The following ZNF519 variants were observed in gnomAD, a reference collection of about 807,000 sequenced individuals.
ZNF519 encodes similar to Zinc finger protein 85 (Zinc finger protein HPF4) (HTF1).
Under a neutral mutation model 7.4 loss-of-function variants are expected in ZNF519, and 7 were observed. The observed-to-expected ratio is 0.94, with a 90% CI of 0.54 to 1.77. ZNF519 has a LOEUF of 1.77. ZNF519 is among the 40% of genes most tolerant of loss of function. The pLI, the probability that ZNF519 is intolerant of heterozygous loss-of-function variation, is 0.00. For missense variants in ZNF519, 586 were observed against 623.1 expected (o/e 0.94, Z 0.63); for synonymous variants, 179 against 203.3 (o/e 0.88, Z 1.02).
Position 14,102,092 on chromosome 18 carries a change from C to T in ZNF519, c.*2825G>A, listed in dbSNP as rs979732862. 7 of 188,876 alleles carry T rather than the reference C, an allele frequency of 3.7e-5. No homozygotes were observed. Among genetic ancestry groups the T allele is most frequent in the African/African-American group, 1.4e-4 (6 of 43,006 alleles). 11.7% of individuals were successfully genotyped at this position (188,876 alleles called of 1,614,324 possible). A position where few individuals can be genotyped will look rare whatever the true frequency, so the allele number is the denominator to read the frequency against. On this transcript the variant is annotated 3_prime_UTR_variant, in exon 3 of 3. Coordinates refer to ENST00000590202, the MANE Select transcript of ZNF519 (RefSeq NM_145287.4). Reference sequence around the variant, plus strand: ...CATTTTGTTAATTTGTGTTTTCAAACTATTTTAATTCCATCCTATCATTCA... The same window carrying T: ...CATTTTGTTAATTTGTGTTTTCAAATTATTTTAATTCCATCCTATCATTCA...
In ZNF519 at chr18:14,105,359, T is replaced by A. The variant is rs774354878; in HGVS notation, c.1181A>T (p.His394Leu). ...TTTCTCTCCAGTATGCATTCTCTGA[T>A]GCTGAGTAACGTATGAGCTTCTATT... ...AFNRSSYVTQHQRMHTGEKPF... is the reference protein window; with the variant it reads ...AFNRSSYVTQLQRMHTGEKPF... The change falls in exon 3 of 3, where the codon CAT becomes CTT. Residue 394 changes from histidine (H) to leucine (L), a missense_variant. By Grantham distance (99) the His-to-Leu change is moderately conservative. Coordinates refer to ENST00000590202, the MANE Select transcript of ZNF519 (RefSeq NM_145287.4). 5 of 1,614,132 alleles carry A rather than the reference T, an allele frequency of 3.1e-6. No individual in the cohort carries two copies. The highest frequency in any genetic ancestry group is 4.2e-6 in the Non-Finnish European group (5 of 1,180,024).
intron 2 of ZNF519, among the ~76,000 whole-genome samples, chr18:14,111,657 T>C (rs190286952): frequency 2.0e-4 from 30 of 152,178 alleles, no homozygotes; most frequent in African/African-American, 6.3e-4. Context: ...TATGAGCAGA[T>C]AGATGCCATA....
chr18:14,107,566 C>T (rs2046199576), intron 2 of ZNF519, among the ~76,000 whole-genome samples: 1 of 152,164 alleles, frequency 6.6e-6, no homozygotes, highest in Admixed American at 6.5e-5. Context: ...TAGAGGATTT[C>T]ATCTTGCCAA....
chr18:14,129,218 T>C (rs539812483), intron 1 of ZNF519, among the ~76,000 whole-genome samples: 13 of 152,274 alleles, frequency 8.5e-5, no homozygotes, highest in Admixed American at 6.5e-4. Flanking sequence ...AGGTTCCCGA[T>C]AGAGATTCAG....
intron 1 of ZNF519, among the ~76,000 whole-genome samples, chr18:14,125,772 C>T (rs1234900271): frequency 2.0e-5 from 3 of 152,032 alleles, no homozygotes; most frequent in African/African-American, 7.3e-5. Flanking sequence ...GCAACCTCCG[C>T]CTCCCAGGTC....
intron 2 of ZNF519, among the ~76,000 whole-genome samples, chr18:14,121,424 T>C (rs1004719967): frequency 2.6e-5 from 4 of 152,158 alleles, no homozygotes; most frequent in African/African-American, 7.2e-5. Context: ...TCACAACGTA[T>C]ACACATATCA....
chr18:14,092,846 T>C (rs1420588898), intron 2 of ZNF519, among the ~76,000 whole-genome samples: 1 of 152,178 alleles, frequency 6.6e-6, no homozygotes, highest in Non-Finnish European at 1.5e-5. Flanking sequence ...AATAATTGTG[T>C]CCACCTCTCT....
rs545812927 is a variant in ZNF519, at chr18:14,100,144, A to C, written c.*4773T>G. The C allele has an allele frequency of 1.2e-4, 19 of 152,306 alleles. No individual in the cohort carries two copies. The East Asian group carries it at 3.5e-3, about 28-fold the overall frequency. 9.4% of individuals were successfully genotyped at this position (152,306 alleles called of 1,614,324 possible). On this transcript the variant is annotated 3_prime_UTR_variant, in exon 3 of 3. Transcript: ENST00000590202. ...ATTATCCTTTAGAAAAATGTACATT[A>C]AAACAATGTGATATCAATACATATC...
chr18:14,125,874 C>T (rs372559657), intron 1 of ZNF519, among the ~76,000 whole-genome samples: 30 of 152,060 alleles, frequency 2.0e-4, no homozygotes, highest in African/African-American at 7.0e-4. Flanking sequence ...TTAGTACAGC[C>T]GGGGTTTCAT....
rs532648438 is a variant in ZNF519 at position 14,091,051 on chromosome 18, A to G, written c.131-5975T>C. The G allele has an allele frequency of 2.5e-4, 38 of 152,342 alleles. 1 individual carries two copies. Among genetic ancestry groups the G allele is most frequent in the African/African-American group, 7.7e-4 (32 of 41,576 alleles). The allele number at this position is 152,342 out of a possible 1,614,324, so 9.4% of individuals were successfully genotyped here. Reference sequence around the variant, plus strand: ...TTCTAGAGTTATATTTCTAACAGTTATAAGTTAAAGCATTATTTTTTGGAC... The same window carrying G: ...TTCTAGAGTTATATTTCTAACAGTTGTAAGTTAAAGCATTATTTTTTGGAC... On this transcript the variant is annotated intron_variant and NMD_transcript_variant, in intron 2 of 4. Coordinates refer to the ZNF519 transcript ENST00000587419.
chr18:14,112,593 A>G (rs1011215058), intron 2 of ZNF519, among the ~76,000 whole-genome samples: 1 of 152,320 alleles, frequency 6.6e-6, no homozygotes, highest in African/African-American at 2.4e-5. Context: ...AAATTTAGTC[A>G]AGATATAGGA....
chr18:14,093,147 A>G (rs2046121162), intron 2 of ZNF519, among the ~76,000 whole-genome samples: 1 of 152,186 alleles, frequency 6.6e-6, no homozygotes. Context: ...GGAACTACAG[A>G]GCCTCTATTT....
At chr18:14,120,942 AACAG>A (rs1373487263) in intron 2 of ZNF519, among the ~76,000 whole-genome samples, 2 of 152,158 alleles carry the variant, frequency 1.3e-5, no homozygotes, top group Non-Finnish European at 2.9e-5. Context: ...TATTGTTTAC[AACAG>A]ACAAAATATG....
chr18:14,078,854 T>C (rs1245140035), intron 3 of ZNF519, among the ~76,000 whole-genome samples: 2 of 152,176 alleles, frequency 1.3e-5, no homozygotes, highest in Non-Finnish European at 2.9e-5. Flanking sequence ...TAAAAGCTAA[T>C]AGATGTTCTA....
rs2046175609 is a variant in ZNF519, at chr18:14,104,122, T to C, written c.*795A>G. The stretch of plus-strand genomic sequence containing the variant: ...AAGTTATTTGCACCACTCTCTGATA[T>C]TTGTGATTTCTTTATTGTTATCACA... On this transcript the variant is annotated 3_prime_UTR_variant, in exon 3 of 3. Transcript: ENST00000590202. 8 of 152,194 alleles carry C rather than the reference T, an allele frequency of 5.3e-5. No homozygotes were observed. Among genetic ancestry groups the C allele is most frequent in the Admixed American group, 5.2e-4 (8 of 15,280 alleles). 9.4% of individuals were successfully genotyped at this position (152,194 alleles called of 1,614,324 possible). A position where few individuals can be genotyped will look rare whatever the true frequency, so the allele number is the denominator to read the frequency against.
chr18:14,084,196 C>G (rs1002413986), intron 3 of ZNF519: 1 of 152,174 alleles, frequency 6.6e-6, no homozygotes, highest in Non-Finnish European at 1.5e-5. Context: ...GTGACTTTCA[C>G]CTGGGAAAGT....
downstream of ZNF519, among the ~76,000 whole-genome samples, chr18:14,098,729 T>G (rs1224633863): frequency 6.6e-6 from 1 of 152,082 alleles, no homozygotes; most frequent in African/African-American, 2.4e-5. Flanking sequence ...GTTCACAAGG[T>G]TCACAACAGA....
chr18:14,095,792 C>T (rs1038683313), downstream of ZNF519, among the ~76,000 whole-genome samples: 2 of 152,242 alleles, frequency 1.3e-5, no homozygotes, highest in Middle Eastern at 3.2e-3. Context: ...GATAGAGTCA[C>T]TCTGCACTGT....
intron 2 of ZNF519, among the ~76,000 whole-genome samples, chr18:14,086,146 T>A (rs1196160778): frequency 6.6e-6 from 1 of 152,158 alleles, no homozygotes; most frequent in Non-Finnish European, 1.5e-5. Flanking sequence ...AGCACAGGGC[T>A]TTGCCTGGCA....
Sources: allele counts gnomAD v4.1 joint callset (sites outside exome capture counted in the v4.1 genomes callset), GRCh38; gene constraint gnomAD v4.1.1; transcripts MANE v1.5; gene names NCBI Gene and HGNC (gene_info 2026-07-23, HGNC 2026-07-21).